Variants in ODAD2 observed in about 807,000 individuals in gnomAD.
The protein encoded by ODAD2 is outer dynein arm docking complex subunit 2.
A neutral mutation model predicts 106.8 loss-of-function variants in ODAD2; 89 were observed. That is an observed-to-expected ratio of 0.83 (90% CI 0.70 to 0.99). ODAD2 has a LOEUF of 0.99. ODAD2 is among the 50% of genes least tolerant of loss of function. The pLI is 0.00. For missense variants in ODAD2, 1,168 were observed against 1,238.5 expected, an observed-to-expected ratio of 0.94 and a Z score of 0.85; for synonymous variants, 404 against 436.2, an observed-to-expected ratio of 0.93 and a Z score of 0.92.
rs549489769 is a variant in ODAD2 at position 27,989,612 on chromosome 10, C to T, written c.225-2069G>A. On this transcript the variant is annotated intron_variant, in intron 2 of 19. Coordinates refer to ENST00000305242, the MANE Select transcript of ODAD2 (RefSeq NM_018076.5). ...AGAGAGTGAAACTCCTGGTGAGAAG[C>T]CAAAGGGCACAGGTGACATTTTTCA... 5.9e-5 allele frequency among the ~76,000 whole-genome samples: 9 copies of T among 152,278 alleles called. No homozygotes were observed. The South Asian group carries it at 1.9e-3, about 32-fold the overall frequency.
chr10:27,850,162 T>G (rs1380073907), intron 19 of ODAD2, among the ~76,000 whole-genome samples: 2 of 152,142 alleles, frequency 1.3e-5, no homozygotes, highest in African/African-American at 4.8e-5. Flanking sequence ...GTGAAAACAT[T>G]TGCTGGGCGT....
At chr10:27,898,886 T>C (rs1843012233) in intron 17 of ODAD2, among the ~76,000 whole-genome samples, 1 of 152,182 alleles carries the variant, frequency 6.6e-6, no homozygotes, top group Non-Finnish European at 1.5e-5. Context: ...GGGTTTATAA[T>C]AGGTCTCCTC....
chr10:27,973,501 C>T (rs536974711), intron 7 of ODAD2, among the ~76,000 whole-genome samples: 1 of 152,234 alleles, frequency 6.6e-6, no homozygotes, highest in South Asian at 2.1e-4. Flanking sequence ...CCTCCAATCT[C>T]AAGTAGGCCC....
intron 16 of ODAD2, among the ~76,000 whole-genome samples, chr10:27,926,138 A>G (rs1314574566): frequency 6.6e-6 from 1 of 152,306 alleles, no homozygotes; most frequent in East Asian, 1.9e-4. Flanking sequence ...CAGCTGCTCA[A>G]CTTTGCAGTT....
intron 19 of ODAD2, among the ~76,000 whole-genome samples, chr10:27,837,431 C>A (rs944253862): frequency 6.6e-6 from 1 of 152,122 alleles, no homozygotes; most frequent in South Asian, 2.1e-4. Flanking sequence ...AGAAAAAATA[C>A]CTTAGAAACT....
intron 17 of ODAD2, among the ~76,000 whole-genome samples, chr10:27,876,949 T>A (rs1159034171): frequency 6.6e-6 from 1 of 152,188 alleles, no homozygotes; most frequent in African/African-American, 2.4e-5. Flanking sequence ...ACTTCCCCCA[T>A]TAATTCTTGA....
intron 17 of ODAD2, among the ~76,000 whole-genome samples, chr10:27,873,666 T>A (rs1374376589): frequency 2.0e-5 from 3 of 152,184 alleles, no homozygotes; most frequent in Non-Finnish European, 4.4e-5. Flanking sequence ...TTGAGTGGTT[T>A]TGAGTGAGCT....
In ODAD2 at chr10:27,949,160, C is replaced by A. The variant is rs373018127; in HGVS notation, c.1387-4198G>T. On this transcript the variant is annotated intron_variant, in intron 10 of 19. Transcript: ENST00000305242. The stretch of plus-strand genomic sequence containing the variant: ...AAACAGGAAGTGAGCTGCCTCAAAT[C>A]ACTTTTGTGTTATTTCATTCAACAA... Among the ~76,000 whole-genome samples the A allele has an allele frequency of 1.7e-3, 263 of 152,188 alleles. 1 individual carries two copies. The highest frequency in any genetic ancestry group is 5.7e-3 in the African/African-American group (238 of 41,540).
intron 6 of ODAD2, 59 bp from the exon 7 acceptor site, chr10:27,981,641 A>G (rs1849553627): frequency 1.5e-5 from 17 of 1,152,526 alleles, no homozygotes; most frequent in Admixed American, 5.5e-5. Flanking sequence ...TAAGAAGCTG[A>G]TCAATACATC....
At chr10:27,825,805 G>A (rs981044074) in intron 19 of ODAD2, among the ~76,000 whole-genome samples, 1 of 152,220 alleles carries the variant, frequency 6.6e-6, no homozygotes, top group African/African-American at 2.4e-5. Flanking sequence ...ATGGAAAGCA[G>A]AAAGAGACTT....
intron 7 of ODAD2, among the ~76,000 whole-genome samples, chr10:27,979,499 G>A (rs1374374035): frequency 6.6e-6 from 1 of 151,308 alleles, no homozygotes; most frequent in African/African-American, 2.4e-5. Flanking sequence ...GTGAAGTTGC[G>A]AAATTCAATC....
chr10:27,860,762 G>T lies in ODAD2; in HGVS notation c.2884C>A (p.His962Asn), dbSNP rs1369854961. Reference protein sequence around the residue: ...WGRNRVAFGEHKAVAPLVRYL... With the variant: ...WGRNRVAFGENKAVAPLVRYL... Reference sequence around the variant, plus strand: ...CGCACTAGTGGAGCCACTGCTTTGTGCTCACCGAAGGCCACTCTATTCCTG... The same window carrying T: ...CGCACTAGTGGAGCCACTGCTTTGTTCTCACCGAAGGCCACTCTATTCCTG... Residue 962 changes from histidine (H) to asparagine (N), a missense_variant, in exon 19 of 20, where the codon CAC becomes AAC. Coordinates refer to ENST00000305242, the MANE Select transcript of ODAD2 (RefSeq NM_018076.5). 1 of 1,614,146 alleles carries T rather than the reference G, an allele frequency of 6.2e-7. No homozygotes were observed. Among genetic ancestry groups the T allele is most frequent in the Non-Finnish European group, 8.5e-7 (1 of 1,180,006 alleles).
chr10:27,897,056 C>T (rs1331362102), intron 17 of ODAD2, among the ~76,000 whole-genome samples: 1 of 152,160 alleles, frequency 6.6e-6, no homozygotes, highest in Non-Finnish European at 1.5e-5. Context: ...GGGAAATTGT[C>T]TTCTTAGGGG....
Position 27,953,026 on chromosome 10 carries a change from C to T in ODAD2, c.1387-8064G>A, listed in dbSNP as rs544151735. Among the ~76,000 whole-genome samples, 4 of 152,220 alleles carry T rather than the reference C, an allele frequency of 2.6e-5. No homozygotes were observed. The South Asian group carries it at 8.3e-4, about 32-fold the overall frequency. ...CATATAATTGATATAAAAAAATGCA[C>T]ATCTTTAATGTATACAATTTGATGA... On this transcript the variant is annotated intron_variant, in intron 10 of 19. Transcript: ENST00000305242.
intron 10 of ODAD2, among the ~76,000 whole-genome samples, chr10:27,948,829 T>TC: frequency 6.8e-6 from 1 of 147,342 alleles, no homozygotes; most frequent in Non-Finnish European, 1.5e-5. Context: ...CCATTGGATT[T>TC]TTTTTTTTTC....
In ODAD2 at chr10:27,981,946, A is replaced by G. The variant is rs114695749; in HGVS notation, c.820-364T>C. The stretch of plus-strand genomic sequence containing the variant: ...CTCACGAGCCTTAGTTGATGATGTC[A>G]TAAAAGTCTTCAAGGTTAGAATTTA... On this transcript the variant is annotated intron_variant, in intron 6 of 19. Transcript: ENST00000305242. 5.5e-3 allele frequency: 859 copies of G among 156,288 alleles called. 9 individuals carry two copies. Among genetic ancestry groups the G allele is most frequent in the African/African-American group, 0.019 (801 of 41,626 alleles). 9.7% of individuals were successfully genotyped at this position (156,288 alleles called of 1,614,324 possible).
intron 16 of ODAD2, among the ~76,000 whole-genome samples, chr10:27,908,169 G>A (rs957152180): frequency 1.3e-5 from 2 of 151,800 alleles, no homozygotes; most frequent in Non-Finnish European, 2.9e-5. Flanking sequence ...TTTTTTATTT[G>A]GTCTATGTTT....
At chr10:27,965,581 C>T (rs1848440353) in intron 9 of ODAD2, among the ~76,000 whole-genome samples, 1 of 152,108 alleles carries the variant, frequency 6.6e-6, no homozygotes, top group Admixed American at 6.6e-5. Context: ...GAGTAGTGTC[C>T]ATGGGTAAGA....
At chr10:27,983,562 T>C (rs1363074925) in intron 6 of ODAD2, among the ~76,000 whole-genome samples, 1 of 152,234 alleles carries the variant, frequency 6.6e-6, no homozygotes, top group Non-Finnish European at 1.5e-5. Flanking sequence ...AGCTGTGTAA[T>C]GAATCAGTGA....
Sources: gnomAD v4.1 joint callset for allele counts (sites outside exome capture counted in the v4.1 genomes callset) on GRCh38, gnomAD v4.1.1 for gene constraint, MANE v1.5 for transcripts, NCBI Gene and HGNC (gene_info 2026-07-23, HGNC 2026-07-21) for gene names.